Variants in OSMR observed in about 807,000 individuals in gnomAD.
The protein encoded by OSMR is oncostatin M receptor, also known as oncostatin-M-specific receptor subunit beta.
A neutral mutation model predicts 99.9 loss-of-function variants in OSMR; 81 were observed. The observed-to-expected ratio is 0.81, with a 90% CI of 0.68 to 0.97. The LOEUF is 0.97. OSMR is among the 50% of genes least tolerant of loss of function. The pLI, the probability that OSMR is intolerant of heterozygous loss-of-function variation, is 0.00. For synonymous variants in OSMR, 406 were observed against 410.4 expected, an observed-to-expected ratio of 0.99 and a Z score of 0.13; for missense variants, 1,099 against 1,153.4, an observed-to-expected ratio of 0.95 and a Z score of 0.68.
chr5:38,925,036 G>A (rs898522600), intron 14 of OSMR, 168 bp from the exon 15 acceptor site: 1 of 978,248 alleles, frequency 1.0e-6, no homozygotes, highest in Non-Finnish European at 1.2e-6. Flanking sequence ...CATTTTACCT[G>A]GTGTGCCCAT....
At chr5:38,889,998 T>C (rs1459284827) in intron 7 of OSMR, among the ~76,000 whole-genome samples, 2 of 152,252 alleles carry the variant, frequency 1.3e-5, no homozygotes, top group Non-Finnish European at 2.9e-5. Context: ...AGTGCTTTCG[T>C]TATAACAAAC....
At chr5:38,873,516 C>T (rs375155) in intron 2 of OSMR, among the ~76,000 whole-genome samples, 26,059 of 152,202 alleles carry the variant, frequency 0.17, 2,438 homozygotes, top group African/African-American at 0.22. Context: ...GACAGGGTCT[C>T]ACTCTGTCAC....
chr5:38,913,263 A>G (rs2112598872), intron 9 of OSMR, among the ~76,000 whole-genome samples: 1 of 152,224 alleles, frequency 6.6e-6, no homozygotes, highest in South Asian at 2.1e-4. Flanking sequence ...AAAAGTGGGC[A>G]AAAGGGCCAG....
At chr5:38,855,694 C>G (rs546935756) in intron 1 of OSMR, among the ~76,000 whole-genome samples, 1 of 151,584 alleles carries the variant, frequency 6.6e-6, no homozygotes, top group East Asian at 1.9e-4. Context: ...ACTAACCCCC[C>G]CAACCCCCAC....
At chr5:38,904,326 CT>C (rs761971229) in intron 8 of OSMR, 26 bp from the exon 9 acceptor site, 4 of 1,607,906 alleles carry the variant, frequency 2.5e-6, no homozygotes, top group Non-Finnish European at 3.4e-6. Context: ...TCTCTTTTTT[CT>C]TTTCTTCTCT....
chr5:38,913,759 G>A (rs574837815), intron 9 of OSMR, among the ~76,000 whole-genome samples: 1 of 152,274 alleles, frequency 6.6e-6, no homozygotes, highest in East Asian at 1.9e-4. Flanking sequence ...AGCTACCCCA[G>A]GTAGCTTCTG....
intron 1 of OSMR, among the ~76,000 whole-genome samples, chr5:38,861,094 A>G (rs1741251797): frequency 6.6e-6 from 1 of 152,084 alleles, no homozygotes; most frequent in Non-Finnish European, 1.5e-5. Context: ...GAAACACTTG[A>G]TATGATTTTG....
At chr5:38,900,223 C>G (rs888779159) in intron 7 of OSMR, among the ~76,000 whole-genome samples, 7 of 152,196 alleles carry the variant, frequency 4.6e-5, no homozygotes, top group African/African-American at 1.7e-4. Flanking sequence ...CATGCAGTCT[C>G]TCAATCACCG....
intron 1 of OSMR, among the ~76,000 whole-genome samples, chr5:38,851,669 T>C (rs1397310211): frequency 6.6e-6 from 1 of 152,202 alleles, no homozygotes; most frequent in Middle Eastern, 3.2e-3. Flanking sequence ...ACAGTTCTCT[T>C]TCAGAGATGT....
chr5:38,857,750 C>T (rs1019818586), intron 1 of OSMR, among the ~76,000 whole-genome samples: 10 of 152,026 alleles, frequency 6.6e-5, no homozygotes, highest in African/African-American at 9.7e-5. Flanking sequence ...TTACTGTAAT[C>T]GCCGCCTCCT....
intron 15 of OSMR, among the ~76,000 whole-genome samples, chr5:38,928,737 C>T (rs1746585326): frequency 6.6e-6 from 1 of 152,202 alleles, no homozygotes; most frequent in South Asian, 2.1e-4. Flanking sequence ...TTGACTACTA[C>T]ACTGAAACAT....
At chr5:38,897,242 G>A (rs1195663342) in intron 7 of OSMR, among the ~76,000 whole-genome samples, 1 of 151,990 alleles carries the variant, frequency 6.6e-6, no homozygotes, top group Non-Finnish European at 1.5e-5. Context: ...TTCTTTAAAT[G>A]TTTGGTAGAG....
At position 38,919,062 on chromosome 5, in the gene OSMR, A is replaced by T; in HGVS notation, c.1585A>T (p.Lys529Ter). The T allele has an allele frequency of 6.2e-7, 1 of 1,614,058 alleles. No individual in the cohort carries two copies. Among genetic ancestry groups the T allele is most frequent in the South Asian group, 1.1e-5 (1 of 91,062 alleles). ...VIVISADPEN[K>*]EVEEERIAGT... Reference sequence around the variant, plus strand: ...AGTCATCTCTGCAGACCCCGAAAACAGTGAGTTTGTTTTCATTTTCTTTTG... The same window carrying T: ...AGTCATCTCTGCAGACCCCGAAAACTGTGAGTTTGTTTTCATTTTCTTTTG... The change falls in exon 11 of 18, where the codon AAA becomes TAA. Residue 529 changes from lysine to a stop codon, truncating the protein, a stop_gained and splice_region_variant. Coordinates refer to ENST00000274276, the MANE Select transcript of OSMR (RefSeq NM_003999.3). LOFTEE classifies it high-confidence loss of function.
At chr5:38,882,587 C>T (rs977603209) in intron 4 of OSMR, among the ~76,000 whole-genome samples, 7 of 150,340 alleles carry the variant, frequency 4.7e-5, no homozygotes, top group South Asian at 2.1e-4. Flanking sequence ...ACACACACAC[C>T]AAAAAAACAA....
intron 1 of OSMR, among the ~76,000 whole-genome samples, chr5:38,850,254 A>G (rs1167789854): frequency 6.6e-6 from 1 of 152,220 alleles, no homozygotes; most frequent in Non-Finnish European, 1.5e-5. Context: ...TTGGGTGTAC[A>G]GTCTTGTACA....
At chr5:38,886,462 G>A (rs753650627) in intron 7 of OSMR, 23 of 708,228 alleles carry the variant, frequency 3.2e-5, no homozygotes, top group Middle Eastern at 4.7e-4. Context: ...ATCTCATCCT[G>A]TAACGCCCCC....
intron 1 of OSMR, among the ~76,000 whole-genome samples, chr5:38,861,877 A>AC (rs1403637633): frequency 1.4e-4 from 13 of 93,620 alleles, no homozygotes; most frequent in South Asian, 3.8e-4. Context: ...CGGGGGGCTG[A>AC]CCCCCCCACC....
chr5:38,890,389 G>C, intron 7 of OSMR, among the ~76,000 whole-genome samples: 1 of 151,512 alleles, frequency 6.6e-6, no homozygotes, highest in East Asian at 2.2e-4. Context: ...CTGAACTCAA[G>C]ATTTTGACTT....
chr5:38,847,869 G>C (rs936904844), intron 1 of OSMR, among the ~76,000 whole-genome samples: 1 of 152,104 alleles, frequency 6.6e-6, no homozygotes, highest in African/African-American at 2.4e-5. Flanking sequence ...GAAAAAGGCT[G>C]GTCTTGGGTG....
Sources: gnomAD v4.1 joint callset for allele counts (sites outside exome capture counted in the v4.1 genomes callset) on GRCh38, gnomAD v4.1.1 for gene constraint, MANE v1.5 for transcripts, NCBI Gene and HGNC (gene_info 2026-07-23, HGNC 2026-07-21) for gene names.